The following RIMS1 variants were observed in gnomAD, a reference collection of about 807,000 sequenced individuals.
The protein encoded by RIMS1 is regulating synaptic membrane exocytosis protein 1.
A neutral mutation model predicts 214.1 loss-of-function variants in RIMS1; 83 were observed. The ratio of observed to expected loss-of-function variants is 0.39; its 90% CI spans 0.32 to 0.47. The LOEUF is 0.47. RIMS1 is among the 20% of genes least tolerant of loss of function. The pLI, the probability that RIMS1 is intolerant of heterozygous loss-of-function variation, is 0.99. For missense variants in RIMS1, 2,050 were observed against 2,161.8 expected, an observed-to-expected ratio of 0.95 and a Z score of 1.03; for synonymous variants, 793 against 786.8, an observed-to-expected ratio of 1.01 and a Z score of -0.13.
At chr6:72,325,678 C>A (rs973883188) in intron 28 of RIMS1, among the ~76,000 whole-genome samples, 4 of 151,776 alleles carry the variant, frequency 2.6e-5, no homozygotes, top group Non-Finnish European at 5.9e-5. Context: ...GCCCTCAACA[C>A]TGAAGACTAC....
Position 72,223,945 on chromosome 6 carries a change from C to CT in RIMS1, c.1679-9827dup, listed in dbSNP as rs1373563783. 7.8e-3 allele frequency among the ~76,000 whole-genome samples: 513 copies of CT among 66,108 alleles called. 7 individuals are homozygous for CT. The highest frequency in any genetic ancestry group is 0.035 in the African/African-American group (458 of 13,086). 43.4% of individuals were successfully genotyped at this position (66,108 alleles called of 152,430 possible). On this transcript the variant is annotated intron_variant, in intron 6 of 33. Coordinates refer to ENST00000521978, the MANE Select transcript of RIMS1 (RefSeq NM_014989.7). ...CCTGGGTGACAGAGCGAGACTCCGTCTCAAAAAAAAAAAAAAAAAAGCCAG... is the reference window on the plus strand; with the variant it reads ...CCTGGGTGACAGAGCGAGACTCCGTCTTCAAAAAAAAAAAAAAAAAAGCCAG...
Position 72,212,247 on chromosome 6 carries a change from A to G in RIMS1, c.1679-21526A>G, listed in dbSNP as rs554753513. Reference sequence around the variant, plus strand: ...TAAATTAGGAATATGCATCTCATTTATCAGAAGGTACAGCTCTTCATATTT... The same window carrying G: ...TAAATTAGGAATATGCATCTCATTTGTCAGAAGGTACAGCTCTTCATATTT... On this transcript the variant is annotated intron_variant, in intron 6 of 33. Coordinates refer to ENST00000521978, the MANE Select transcript of RIMS1 (RefSeq NM_014989.7). Among the ~76,000 whole-genome samples, 320 of 151,822 alleles carry G rather than the reference A, an allele frequency of 2.1e-3. 4 individuals carry two copies. The highest frequency in any genetic ancestry group is 6.9e-3 in the African/African-American group (286 of 41,498).
intron 2 of RIMS1, among the ~76,000 whole-genome samples, chr6:72,090,535 A>C (rs2153792419): frequency 6.6e-6 from 1 of 152,254 alleles, no homozygotes; most frequent in South Asian, 2.1e-4. Context: ...TGACCCTTGA[A>C]ATTTTGCAAA....
chr6:72,104,516 G>C (rs1223743522), intron 4 of RIMS1, among the ~76,000 whole-genome samples: 1 of 152,138 alleles, frequency 6.6e-6, no homozygotes, highest in African/African-American at 2.4e-5. Context: ...CTGCACCATG[G>C]AGCTGGAAAT....
chr6:71,978,035 TGAAGCATGTG>T (rs1438514071), intron 2 of RIMS1, among the ~76,000 whole-genome samples: 2 of 152,130 alleles, frequency 1.3e-5, no homozygotes, highest in Non-Finnish European at 2.9e-5. Context: ...GCAGCTGAGA[TGAAGCATGTG>T]GAATTTGGCC....
intron 6 of RIMS1, chr6:72,212,773 G>T (rs762320826): frequency 1.5e-4 from 149 of 1,001,990 alleles, no homozygotes; most frequent in Non-Finnish European, 1.7e-4. Flanking sequence ...CTGTGGATCT[G>T]GTTAAAACCC....
rs1200027596 is a variant in RIMS1, at chr6:72,179,911, G to C, written c.808G>C (p.Glu270Gln). The change falls in exon 5 of 34, where the codon GAG becomes CAG. Residue 270 changes from glutamate (E) to glutamine (Q), a missense_variant. Around this residue, in one of 6 missense-constraint regions of RIMS1, gnomAD observed 882 missense variants for 828.9 expected, o/e 1.06. Transcript: ENST00000521978. ...CAGGTCTAGAAGTGAACCTCCTAGA[G>C]AGAGGTAATAGTTCTTTCACCCTGT... ...SSRSRSEPPR[E>Q]RKKTPGLSEQ... The C allele has an allele frequency of 6.7e-7, 1 of 1,489,130 alleles. No individual in the cohort carries two copies. The highest frequency in any genetic ancestry group is 8.9e-7 in the Non-Finnish European group (1 of 1,117,978). The allele number at this position is 1,489,130 out of a possible 1,614,324, so 92.2% of individuals were successfully genotyped here.
Position 72,386,685 on chromosome 6 carries a change from A to G in RIMS1, c.4367-3913A>G, listed in dbSNP as rs185356747. 1.2e-3 allele frequency among the ~76,000 whole-genome samples: 176 copies of G among 150,240 alleles called. 3 individuals carry two copies. Among genetic ancestry groups the G allele is most frequent in the Middle Eastern group, 7.0e-3 (2 of 284 alleles). On this transcript the variant is annotated intron_variant, in intron 29 of 33. Transcript: ENST00000521978. ...ACTCTCTACCCCTCTCATCCTGCCT[A>G]ATTTTTTCCCTATCAGCGATATTGT...
intron 2 of RIMS1, among the ~76,000 whole-genome samples, chr6:71,976,896 C>T (rs978081089): frequency 2.6e-5 from 4 of 152,056 alleles, no homozygotes; most frequent in African/African-American, 9.7e-5. Flanking sequence ...TTATGTCTTA[C>T]ATCAATTAAA....
intron 6 of RIMS1, among the ~76,000 whole-genome samples, chr6:72,184,691 C>T (rs2048850412): frequency 6.6e-6 from 1 of 151,696 alleles, no homozygotes; most frequent in South Asian, 2.1e-4. Context: ...GTTCTAGATG[C>T]CATTAAGAAA....
chr6:72,340,208 G>GT (rs2097010346), intron 29 of RIMS1, among the ~76,000 whole-genome samples: 1 of 151,902 alleles, frequency 6.6e-6, no homozygotes, highest in African/African-American at 2.4e-5. Context: ...TGAGTAGGTT[G>GT]CAAAATTTTC....
chr6:71,894,212 A>G (rs1275383953), intron 1 of RIMS1, among the ~76,000 whole-genome samples: 3 of 152,208 alleles, frequency 2.0e-5, no homozygotes, highest in African/African-American at 7.2e-5. Flanking sequence ...TGGGAGGCCA[A>G]AGCGGGTGGA....
chr6:72,317,237 G>A (rs1054781263), intron 28 of RIMS1: 23 of 294,744 alleles, frequency 7.8e-5, no homozygotes, highest in Middle Eastern at 6.6e-4. Context: ...GGAGCATCTC[G>A]CAGCAAGTAG....
At chr6:72,005,760 A>G (rs367813574) in intron 2 of RIMS1, among the ~76,000 whole-genome samples, 5 of 152,228 alleles carry the variant, frequency 3.3e-5, no homozygotes, top group African/African-American at 1.2e-4. Context: ...TACTAGAGAT[A>G]AAGTAAGGAA....
At chr6:72,048,640 T>C (rs1266273265) in intron 2 of RIMS1, among the ~76,000 whole-genome samples, 1 of 152,176 alleles carries the variant, frequency 6.6e-6, no homozygotes, top group Non-Finnish European at 1.5e-5. Flanking sequence ...AGGTGTTCCA[T>C]CAAGAGCCTG....
At chr6:72,363,282 G>A (rs1257108661) in intron 29 of RIMS1, among the ~76,000 whole-genome samples, 1 of 152,156 alleles carries the variant, frequency 6.6e-6, no homozygotes, top group Non-Finnish European at 1.5e-5. Context: ...GTAGAGTATA[G>A]GGAGAAAGGG....
At chr6:71,991,826 G>T (rs1194286207) in intron 2 of RIMS1, among the ~76,000 whole-genome samples, 1 of 152,210 alleles carries the variant, frequency 6.6e-6, no homozygotes, top group Non-Finnish European at 1.5e-5. Flanking sequence ...CACTTTGGGA[G>T]GCCAAGGTGG....
chr6:72,390,118 A>AG (rs2098678774), intron 29 of RIMS1, among the ~76,000 whole-genome samples: 1 of 152,228 alleles, frequency 6.6e-6, no homozygotes, highest in Non-Finnish European at 1.5e-5. Flanking sequence ...TCTCTTCATG[A>AG]GGATTGCTGA....
intron 2 of RIMS1, among the ~76,000 whole-genome samples, chr6:71,983,514 C>CTT (rs1345790514): frequency 3.3e-5 from 5 of 151,910 alleles, no homozygotes; most frequent in Non-Finnish European, 7.4e-5. Context: ...GGGACTATGA[C>CTT]TTTTTTCTTT....
Sources: allele counts gnomAD v4.1 joint callset (sites outside exome capture counted in the v4.1 genomes callset), GRCh38; gene constraint gnomAD v4.1.1; regional missense constraint gnomAD v4.1.1; transcripts MANE v1.5; gene names NCBI Gene and HGNC (gene_info 2026-07-23, HGNC 2026-07-21).